The following VWA5A variants were observed in gnomAD, a reference collection of about 807,000 sequenced individuals.
The protein encoded by VWA5A is von Willebrand factor A domain-containing protein 5A.
In VWA5A, 77 loss-of-function variants were observed where a neutral mutation model predicts 84.6. The ratio of observed to expected loss-of-function variants is 0.91; its 90% CI spans 0.76 to 1.10. The LOEUF (loss-of-function observed/expected upper bound fraction) is 1.10, where lower values mean the gene tolerates loss of function less well. Ranked by LOEUF, VWA5A falls within the 50% of genes least tolerant of loss-of-function variation. The pLI is 0.00. For synonymous variants in VWA5A, 334 were observed against 350.1 expected, an observed-to-expected ratio of 0.95 and a Z score of 0.51; for missense variants, 973 against 963.0, an observed-to-expected ratio of 1.01 and a Z score of -0.14.
At chr11:124,141,864 C>A in intron 16 of VWA5A, 123 bp downstream of exon 16, 1 of 1,327,620 alleles carries the variant, frequency 7.5e-7, no homozygotes. Context: ...AAGGGACCCC[C>A]CATGCATTGG....
chr11:124,144,754 T>C (rs1860788115), intron 17 of VWA5A, among the ~76,000 whole-genome samples: 1 of 152,254 alleles, frequency 6.6e-6, no homozygotes, highest in African/African-American at 2.4e-5. Context: ...ATATTTGGCC[T>C]TTAGTCTCAC....
chr11:124,125,383 C>T (rs746834340), intron 11 of VWA5A, among the ~76,000 whole-genome samples: 9 of 151,736 alleles, frequency 5.9e-5, no homozygotes, highest in Non-Finnish European at 1.2e-4. Flanking sequence ...CCTGGGTTCA[C>T]GCCATTCTCC....
intron 7 of VWA5A, among the ~76,000 whole-genome samples, chr11:124,121,809 A>C (rs1326829598): frequency 6.6e-6 from 1 of 152,198 alleles, no homozygotes; most frequent in African/African-American, 2.4e-5. Flanking sequence ...AAACAGGTTA[A>C]ATATGTTACC....
chr11:124,121,741 G>C (rs1864935142), intron 7 of VWA5A, among the ~76,000 whole-genome samples: 1 of 152,178 alleles, frequency 6.6e-6, no homozygotes, highest in African/African-American at 2.4e-5. Flanking sequence ...TTTGAGCCAG[G>C]CTAAAATTAT....
chr11:124,145,127 A>T (rs1860795169), intron 17 of VWA5A, 110 bp from the exon 18 acceptor site: 1 of 1,359,668 alleles, frequency 7.4e-7, no homozygotes, highest in Non-Finnish European at 9.8e-7. Context: ...GAGACCAGGT[A>T]ACTCCATCTA....
At position 124,146,129 on chromosome 11, in the gene VWA5A, C is replaced by G. The variant is rs567792764; in HGVS notation, c.*184C>G. The stretch of plus-strand genomic sequence containing the variant: ...ACTTTGGATATGATCTTTCTTTTCC[C>G]AACATATGCCCTCAGAAAAGTGACA... On this transcript the variant is annotated 3_prime_UTR_variant, in exon 19 of 19. Coordinates refer to ENST00000456829, the MANE Select transcript of VWA5A (RefSeq NM_001130142.2). 4 of 567,536 alleles carry G rather than the reference C, an allele frequency of 7.0e-6. No homozygotes were observed. In the African/African-American group the frequency reaches 7.7e-5, roughly 11 times the overall value. The allele number at this position is 567,536 out of a possible 1,614,324, so 35.2% of individuals were successfully genotyped here. A position where few individuals can be genotyped will look rare whatever the true frequency, so the allele number is the denominator to read the frequency against.
At chr11:124,132,430 C>T (rs917835632) in intron 11 of VWA5A, among the ~76,000 whole-genome samples, 6 of 151,928 alleles carry the variant, frequency 3.9e-5, no homozygotes, top group East Asian at 1.9e-4. Flanking sequence ...CAGCAAAGCT[C>T]TCTTGGCCTG....
rs188990173 is a variant in VWA5A, at chr11:124,129,661, G to T, written c.1245-5259G>T. Among the ~76,000 whole-genome samples the T allele has an allele frequency of 5.3e-4, 81 of 152,208 alleles. 1 individual carries two copies. The East Asian group carries it at 0.013, about 24-fold the overall frequency. ...AATTACTGCCTCAATTTCGGAACTT[G>T]TTATTGGTCTATTCAGGGATTCGAC... is the stretch of plus-strand genomic sequence containing the variant. On this transcript the variant is annotated intron_variant, in intron 11 of 18. Coordinates refer to ENST00000456829, the MANE Select transcript of VWA5A (RefSeq NM_001130142.2).
In VWA5A at chr11:124,127,987, C is replaced by A. The variant is rs180921259; in HGVS notation, c.1244+3671C>A. Among the ~76,000 whole-genome samples, 727 of 152,194 alleles carry A rather than the reference C, an allele frequency of 4.8e-3. 10 individuals carry two copies. Among genetic ancestry groups the A allele is most frequent in the African/African-American group, 0.017 (686 of 41,530 alleles). On this transcript the variant is annotated intron_variant, in intron 11 of 18. Transcript: ENST00000456829. Reference sequence around the variant, plus strand: ...TCCCTGTTCACTGTAATGATAGTTTCTTTTGCTGTGCAGAAGTTCTTTCGT... The same window carrying A: ...TCCCTGTTCACTGTAATGATAGTTTATTTTGCTGTGCAGAAGTTCTTTCGT...
In VWA5A at chr11:124,118,244, AG is replaced by A. The variant is rs1565613806; in HGVS notation, c.307del (p.Asp103ThrfsTer25). The A allele has an allele frequency of 2.5e-6, 4 of 1,614,086 alleles. No homozygotes were observed. The highest frequency in any genetic ancestry group is 4.5e-5 in the East Asian group (2 of 44,866). ...ISQGHQAFLL[E>X]GDSSSRDVFS... ...CAGGGCCACCAGGCCTTCTTATTGGAGGGGGACAGCAGCTCCAGGGATGTCT... is the reference window on the plus strand; with the variant it reads ...CAGGGCCACCAGGCCTTCTTATTGGAGGGGACAGCAGCTCCAGGGATGTCT... On this transcript the variant is annotated frameshift_variant, in exon 5 of 19. Transcript: ENST00000456829. LOFTEE classifies it high-confidence loss of function.
intron 7 of VWA5A, 44 bp from the exon 8 acceptor site, chr11:124,122,916 T>C (rs1326186154): frequency 1.3e-6 from 2 of 1,567,394 alleles, no homozygotes; most frequent in African/African-American, 2.7e-5. Context: ...CTAGGATTCT[T>C]GAGTTCCTTT....
chr11:124,133,349 T>C (rs1381049763), intron 11 of VWA5A, among the ~76,000 whole-genome samples: 1 of 152,220 alleles, frequency 6.6e-6, no homozygotes, highest in African/African-American at 2.4e-5. Context: ...TCCTCCCGCC[T>C]GCGTGTAACC....
In VWA5A at chr11:124,146,135, A is replaced by G. The variant is rs879122275; in HGVS notation, c.*190A>G. The G allele has an allele frequency of 8.4e-5, 46 of 545,336 alleles. 2 individuals carry two copies. The South Asian group carries it at 9.3e-4, about 11-fold the overall frequency. The allele number at this position is 545,336 out of a possible 1,614,324, so 33.8% of individuals were successfully genotyped here. ...GATATGATCTTTCTTTTCCCAACATATGCCCTCAGAAAAGTGACAGTGGTC... is the reference window on the plus strand; with the variant it reads ...GATATGATCTTTCTTTTCCCAACATGTGCCCTCAGAAAAGTGACAGTGGTC... On this transcript the variant is annotated 3_prime_UTR_variant, in exon 19 of 19. Coordinates refer to ENST00000456829, the MANE Select transcript of VWA5A (RefSeq NM_001130142.2).
At position 124,117,553 on chromosome 11, in the gene VWA5A, A is replaced by G. The variant is rs1864851925; in HGVS notation, c.42A>G (p.Pro14=). 1 of 1,614,120 alleles carries G rather than the reference A, an allele frequency of 6.2e-7. No homozygotes were observed. ...FCGLLTLHRE[P]VPLKSISVSV... is the part of the protein sequence containing the mutation. ...GCCTACTCACCCTCCACCGGGAGCC[A>G]GGTAAGCCTAATTTGTGACTCTTAC... Residue 14 remains proline, a splice_region_variant and synonymous_variant, in exon 3 of 19, where the codon CCA becomes CCG. Coordinates refer to ENST00000456829, the MANE Select transcript of VWA5A (RefSeq NM_001130142.2).
At position 124,146,155 on chromosome 11, in the gene VWA5A, G is replaced by C; in HGVS notation, c.*210G>C. 2 of 503,132 alleles carry C rather than the reference G, an allele frequency of 4.0e-6. No homozygotes were observed. The highest frequency in any genetic ancestry group is 3.5e-6 in the Non-Finnish European group (1 of 284,412). 31.2% of individuals were successfully genotyped at this position (503,132 alleles called of 1,614,324 possible). On this transcript the variant is annotated 3_prime_UTR_variant, in exon 19 of 19. Coordinates refer to ENST00000456829, the MANE Select transcript of VWA5A (RefSeq NM_001130142.2). ...AACATATGCCCTCAGAAAAGTGACA[G>C]TGGTCCCAGAACCTATTCCCTTTCT...
At chr11:124,136,525 G>C in intron 13 of VWA5A, 49 bp from the exon 14 acceptor site, 1 of 1,576,194 alleles carries the variant, frequency 6.3e-7, no homozygotes, top group South Asian at 1.1e-5. Context: ...TTCCATGGAT[G>C]ATCAGAACAT....
intron 2 of VWA5A, among the ~76,000 whole-genome samples, chr11:124,117,188 C>T (rs778458121): frequency 2.1e-4 from 32 of 152,090 alleles, no homozygotes; most frequent in Non-Finnish European, 4.3e-4. Context: ...CTCCATATGC[C>T]CAAGGAGTGG....
Position 124,133,729 on chromosome 11 carries a change from C to T in VWA5A, c.1245-1191C>T, listed in dbSNP as rs73607030. Among the ~76,000 whole-genome samples, 571 of 152,234 alleles carry T rather than the reference C, an allele frequency of 3.8e-3. 3 individuals are homozygous for T. Among genetic ancestry groups the T allele is most frequent in the African/African-American group, 0.013 (540 of 41,524 alleles). Reference sequence around the variant, plus strand: ...CATGAAAATTAGAAACCTAATAGTACTCACTTTACAGATTTATTGTTATGG... The same window carrying T: ...CATGAAAATTAGAAACCTAATAGTATTCACTTTACAGATTTATTGTTATGG... On this transcript the variant is annotated intron_variant, in intron 11 of 18. Coordinates refer to ENST00000456829, the MANE Select transcript of VWA5A (RefSeq NM_001130142.2).
chr11:124,136,037 G>A lies in VWA5A; in HGVS notation c.1360-92G>A, dbSNP rs1591363846. On this transcript the variant is annotated intron_variant, in intron 12 of 18. Coordinates refer to ENST00000456829, the MANE Select transcript of VWA5A (RefSeq NM_001130142.2). ...GAGGAGTAGGCATGACATGTATTAT[G>A]TATCACATCTGATACATAATAAATG... The A allele has an allele frequency of 5.0e-6, 7 of 1,401,554 alleles. No homozygotes were observed. The East Asian group carries it at 1.2e-4, about 23-fold the overall frequency. 86.8% of individuals were successfully genotyped at this position (1,401,554 alleles called of 1,614,324 possible).
Sources: allele counts gnomAD v4.1 joint callset (sites outside exome capture counted in the v4.1 genomes callset), GRCh38; gene constraint gnomAD v4.1.1; transcripts MANE v1.5; gene names NCBI Gene and HGNC (gene_info 2026-07-23, HGNC 2026-07-21).